Variants in ELMO1 observed in about 807,000 individuals in gnomAD.
The protein encoded by ELMO1 is engulfment and cell motility protein 1.
In ELMO1, 26 loss-of-function variants were observed where a neutral mutation model predicts 98.9. The observed-to-expected ratio is 0.26, with a 90% CI of 0.19 to 0.36. The LOEUF is 0.36. ELMO1 is among the 10% of genes least tolerant of loss of function. The pLI is 1.00. For missense variants in ELMO1, 627 were observed against 935.2 expected, an observed-to-expected ratio of 0.67 and a Z score of 4.30; for synonymous variants, 346 against 346.0, an observed-to-expected ratio of 1.00 and a Z score of 0.00.
At chr7:37,428,909 G>C (rs1166544486) in intron 1 of ELMO1, among the ~76,000 whole-genome samples, 1 of 152,228 alleles carries the variant, frequency 6.6e-6, no homozygotes, top group Admixed American at 6.5e-5. Context: ...AATAGTGTGG[G>C]ATGGTGCCAC....
At chr7:37,304,641 G>C (rs576117051) in intron 4 of ELMO1, among the ~76,000 whole-genome samples, 1 of 152,122 alleles carries the variant, frequency 6.6e-6, no homozygotes, top group Non-Finnish European at 1.5e-5. Flanking sequence ...GCTTGAACCC[G>C]GGAGGTGGAG....
At chr7:37,171,310 C>A (rs958700441) in intron 13 of ELMO1, among the ~76,000 whole-genome samples, 5 of 151,802 alleles carry the variant, frequency 3.3e-5, no homozygotes, top group African/African-American at 1.2e-4. Flanking sequence ...GGCTAGGTTT[C>A]TTTTTCTCAG....
chr7:37,406,518 C>G (rs1803771875), intron 1 of ELMO1, among the ~76,000 whole-genome samples: 1 of 152,080 alleles, frequency 6.6e-6, no homozygotes, highest in South Asian at 2.1e-4. Flanking sequence ...CAAGCTCCGC[C>G]TCCCGGGTTC....
At chr7:37,399,437 G>A (rs1448960595) in intron 1 of ELMO1, among the ~76,000 whole-genome samples, 2 of 152,132 alleles carry the variant, frequency 1.3e-5, no homozygotes, top group Non-Finnish European at 2.9e-5. Context: ...AGGAAGCCCT[G>A]GGCATAGCCA....
intron 16 of ELMO1, among the ~76,000 whole-genome samples, chr7:36,906,581 G>A (rs533379652): frequency 6.6e-6 from 1 of 152,160 alleles, no homozygotes; most frequent in African/African-American, 2.4e-5. Flanking sequence ...GTGAGGAGGT[G>A]CTGGGAGCAG....
chr7:37,343,858 G>A (rs1026702611), intron 1 of ELMO1, among the ~76,000 whole-genome samples: 7 of 152,018 alleles, frequency 4.6e-5, no homozygotes, highest in East Asian at 1.9e-4. Context: ...GTACAAAGAC[G>A]GACAGTGTAG....
intron 13 of ELMO1, chr7:37,203,979 C>T: frequency 2.3e-6 from 1 of 427,990 alleles, no homozygotes; most frequent in Admixed American, 2.6e-5. Context: ...GAAAGCCTGA[C>T]ACGTGTGTCT....
intron 1 of ELMO1, among the ~76,000 whole-genome samples, chr7:37,432,193 T>C (rs1469350777): frequency 6.6e-6 from 1 of 152,108 alleles, no homozygotes; most frequent in Admixed American, 6.5e-5. Flanking sequence ...ATCTATGAAG[T>C]TTTAGTTCAG....
chr7:37,182,516 G>A (rs1047855881), intron 13 of ELMO1, among the ~76,000 whole-genome samples: 3 of 131,430 alleles, frequency 2.3e-5, no homozygotes, highest in African/African-American at 6.0e-5. Context: ...GGTTGCCCAC[G>A]CTGGAGTGCA....
At chr7:37,018,900 T>C (rs1385862959) in intron 15 of ELMO1, among the ~76,000 whole-genome samples, 1 of 152,044 alleles carries the variant, frequency 6.6e-6, no homozygotes, top group East Asian at 1.9e-4. Context: ...TTCTAGGAGA[T>C]GAGGAAGGAA....
At chr7:37,159,076 T>A (rs951733085) in intron 13 of ELMO1, among the ~76,000 whole-genome samples, 1 of 152,180 alleles carries the variant, frequency 6.6e-6, no homozygotes, top group South Asian at 2.1e-4. Flanking sequence ...ACACCACATG[T>A]TCCCACGCAT....
chr7:37,361,564 A>G (rs1237869955), intron 1 of ELMO1, among the ~76,000 whole-genome samples: 1 of 152,248 alleles, frequency 6.6e-6, no homozygotes, highest in Non-Finnish European at 1.5e-5. Context: ...TTTACAGAAA[A>G]TGTATACCAA....
chr7:36,951,429 G>C (rs1400166412), intron 16 of ELMO1, among the ~76,000 whole-genome samples: 1 of 152,188 alleles, frequency 6.6e-6, no homozygotes, highest in Non-Finnish European at 1.5e-5. Context: ...TGGACCCTCA[G>C]CCTGGAAGGT....
intron 12 of ELMO1, among the ~76,000 whole-genome samples, chr7:37,212,536 A>G (rs1208688926): frequency 6.6e-6 from 1 of 152,136 alleles, no homozygotes; most frequent in Non-Finnish European, 1.5e-5. Flanking sequence ...GGATGACCAC[A>G]CCTTGCCAAA....
intron 5 of ELMO1, among the ~76,000 whole-genome samples, chr7:37,262,995 G>A (rs1386049809): frequency 6.6e-6 from 1 of 152,176 alleles, no homozygotes; most frequent in Non-Finnish European, 1.5e-5. Flanking sequence ...GCTCCACAGA[G>A]GTGAGTCCCA....
intron 14 of ELMO1, among the ~76,000 whole-genome samples, chr7:37,119,231 T>G (rs1184406022): frequency 6.6e-6 from 1 of 152,216 alleles, no homozygotes; most frequent in Non-Finnish European, 1.5e-5. Context: ...ACTCTGAACT[T>G]GAGGTGGGCC....
intron 4 of ELMO1, among the ~76,000 whole-genome samples, chr7:37,301,749 A>C (rs1798362031): frequency 6.6e-6 from 1 of 152,176 alleles, no homozygotes; most frequent in Admixed American, 6.5e-5. Flanking sequence ...TGCTCAAAAG[A>C]AGGTGTAAAT....
intron 14 of ELMO1, among the ~76,000 whole-genome samples, chr7:37,106,644 C>A (rs1304352352): frequency 3.9e-5 from 6 of 151,924 alleles, no homozygotes; most frequent in Non-Finnish European, 7.4e-5. Context: ...GATGACAGTC[C>A]TACAGGACAG....
At chr7:37,240,586 T>C (rs990312594) in intron 7 of ELMO1, among the ~76,000 whole-genome samples, 2 of 152,154 alleles carry the variant, frequency 1.3e-5, no homozygotes, top group Non-Finnish European at 1.5e-5. Context: ...TTTTAAACCA[T>C]CCTTCCTTTT....
Sources: gnomAD v4.1 joint callset for allele counts (sites outside exome capture counted in the v4.1 genomes callset) on GRCh38, gnomAD v4.1.1 for gene constraint, MANE v1.5 for transcripts, NCBI Gene and HGNC (gene_info 2026-07-23, HGNC 2026-07-21) for gene names.